The following MAP2K6 variants were observed in gnomAD, a reference collection of about 807,000 sequenced individuals.
The protein encoded by MAP2K6 is dual specificity mitogen-activated protein kinase kinase 6.
MAP2K6 carries 16 observed loss-of-function variants against 53.7 expected under a neutral mutation model. The ratio of observed to expected loss-of-function variants is 0.30; its 90% CI spans 0.20 to 0.45. The LOEUF is 0.45. Ranked by LOEUF, MAP2K6 falls within the 20% of genes least tolerant of loss-of-function variation. The pLI, the probability that MAP2K6 is intolerant of heterozygous loss-of-function variation, is 1.00. For missense variants in MAP2K6, 204 were observed against 411.9 expected (o/e 0.50, Z 4.37); for synonymous variants, 132 against 143.1 (o/e 0.92, Z 0.55).
At chr17:69,478,433 ACTTT>A (rs1265112237) in intron 1 of MAP2K6, among the ~76,000 whole-genome samples, 2 of 151,886 alleles carry the variant, frequency 1.3e-5, no homozygotes, top group Non-Finnish European at 2.9e-5. Flanking sequence ...TTCATGTTTT[ACTTT>A]CTTTCTTTTT....
At chr17:69,456,899 T>G (rs1907428271) in intron 1 of MAP2K6, among the ~76,000 whole-genome samples, 1 of 152,224 alleles carries the variant, frequency 6.6e-6, no homozygotes, top group Admixed American at 6.5e-5. Context: ...AAGTTGTCCC[T>G]GCTGCTTCCT....
At position 69,500,310 on chromosome 17, in the gene MAP2K6, C is replaced by T. The variant is rs550246284; in HGVS notation, c.17-5470C>T. On this transcript the variant is annotated intron_variant, in intron 1 of 11. Coordinates refer to ENST00000590474, the MANE Select transcript of MAP2K6 (RefSeq NM_002758.4). ...CAAAAATTAGGCGGGTGGGGTGGCA[C>T]GTGCCTGTATTCCCAGTCGCAGCTA... Among the ~76,000 whole-genome samples, 218 of 151,670 alleles carry T rather than the reference C, an allele frequency of 1.4e-3. 1 individual carries two copies. The highest frequency in any genetic ancestry group is 5.0e-3 in the African/African-American group (208 of 41,346).
intron 1 of MAP2K6, chr17:69,435,078 G>A (rs964616396): frequency 6.6e-6 from 1 of 152,056 alleles, no homozygotes; most frequent in Non-Finnish European, 1.5e-5. Context: ...TTTGTTTTTG[G>A]TTGAAGCTTG....
chr17:69,484,730 T>C (rs986006035), intron 1 of MAP2K6, among the ~76,000 whole-genome samples: 3 of 152,146 alleles, frequency 2.0e-5, no homozygotes, highest in African/African-American at 7.2e-5. Flanking sequence ...TACAATGGAA[T>C]ATTTTCAGCA....
intron 10 of MAP2K6, among the ~76,000 whole-genome samples, chr17:69,527,869 A>G (rs544501359): frequency 3.3e-5 from 5 of 152,294 alleles, no homozygotes; most frequent in African/African-American, 9.6e-5. Flanking sequence ...TAATCCCAGT[A>G]CTTTGGGAGG....
At position 69,482,610 on chromosome 17, in the gene MAP2K6, T is replaced by TA. The variant is rs987990533; in HGVS notation, c.17-23162dup. Among the ~76,000 whole-genome samples, 13 of 151,654 alleles carry TA rather than the reference T, an allele frequency of 8.6e-5. 1 individual carries two copies. The highest frequency in any genetic ancestry group is 6.2e-4 in the South Asian group (3 of 4,822). ...TTGGAGATCGTACCACATCAATACA[T>TA]AAAAAAAACTTCTACATTCTTGTTT... On this transcript the variant is annotated intron_variant, in intron 1 of 11. Transcript: ENST00000590474.
In MAP2K6 at chr17:69,534,882, C is replaced by T. The variant is rs561473290; in HGVS notation, c.882-1233C>T. On this transcript the variant is annotated intron_variant, in intron 10 of 11. Transcript: ENST00000590474. ...GCACAGGAGTCTGTAGGTTGCCTTG[C>T]AAATCATAGTTTTCAAAATCATCTT... Among the ~76,000 whole-genome samples the T allele has an allele frequency of 1.8e-4, 28 of 152,198 alleles. No individual in the cohort carries two copies. The South Asian group carries it at 2.3e-3, about 12-fold the overall frequency.
chr17:69,428,324 T>G (rs1413248528), intron 1 of MAP2K6, among the ~76,000 whole-genome samples: 1 of 152,234 alleles, frequency 6.6e-6, no homozygotes, highest in Admixed American at 6.5e-5. Flanking sequence ...CTTCCCTGGC[T>G]TCTGGTGTTT....
At chr17:69,418,180 A>G (rs563944946) in intron 1 of MAP2K6, among the ~76,000 whole-genome samples, 7 of 152,342 alleles carry the variant, frequency 4.6e-5, no homozygotes, top group African/African-American at 1.7e-4. Flanking sequence ...ATCTCAGGAC[A>G]CAAAATCAGA....
intron 10 of MAP2K6, among the ~76,000 whole-genome samples, chr17:69,535,733 T>A (rs891919842): frequency 1.3e-5 from 2 of 152,168 alleles, no homozygotes; most frequent in Non-Finnish European, 2.9e-5. Context: ...AGATAACAAA[T>A]GGCAATGTAA....
At chr17:69,438,889 C>T (rs1300615498) in intron 1 of MAP2K6, among the ~76,000 whole-genome samples, 1 of 152,144 alleles carries the variant, frequency 6.6e-6, no homozygotes, top group African/African-American at 2.4e-5. Context: ...CCAGCTGGTA[C>T]ATTTTAAAAT....
chr17:69,471,905 G>A (rs144455314), intron 1 of MAP2K6, among the ~76,000 whole-genome samples: 8 of 152,120 alleles, frequency 5.3e-5, no homozygotes, highest in South Asian at 4.2e-4. Context: ...GAATGATTTC[G>A]TATGATTTAA....
intron 1 of MAP2K6, among the ~76,000 whole-genome samples, chr17:69,499,010 C>G (rs574029928): frequency 1.2e-4 from 18 of 152,184 alleles, no homozygotes; most frequent in Admixed American, 1.2e-3. Context: ...TGACTGAGCC[C>G]TGCTTCTGAT....
chr17:69,490,811 T>C (rs1208087695), intron 1 of MAP2K6, among the ~76,000 whole-genome samples: 5 of 152,138 alleles, frequency 3.3e-5, no homozygotes, highest in Non-Finnish European at 5.9e-5. Flanking sequence ...GATTATTTCA[T>C]TACCCAAGTA....
At chr17:69,500,563 T>A (rs904885456) in intron 1 of MAP2K6, among the ~76,000 whole-genome samples, 1 of 150,732 alleles carries the variant, frequency 6.6e-6, no homozygotes, top group East Asian at 1.9e-4. Context: ...AAGACCAGCC[T>A]GACCAACATG....
At chr17:69,518,227 T>C (rs1179026643) in intron 4 of MAP2K6, among the ~76,000 whole-genome samples, 1 of 151,014 alleles carries the variant, frequency 6.6e-6, no homozygotes, top group Non-Finnish European at 1.5e-5. Context: ...TAATGATACT[T>C]CCTTCATCTA....
chr17:69,499,168 T>C (rs1302995588), intron 1 of MAP2K6, among the ~76,000 whole-genome samples: 2 of 152,156 alleles, frequency 1.3e-5, no homozygotes, highest in African/African-American at 4.8e-5. Flanking sequence ...AGATTCAAGA[T>C]TGATGAGATG....
chr17:69,453,798 G>A (rs752979886), intron 1 of MAP2K6, among the ~76,000 whole-genome samples: 3 of 151,948 alleles, frequency 2.0e-5, no homozygotes, highest in East Asian at 1.9e-4. Context: ...CAATTACCTG[G>A]GAAACTTTTA....
chr17:69,512,527 C>T (rs992950295), intron 2 of MAP2K6, among the ~76,000 whole-genome samples: 3 of 151,392 alleles, frequency 2.0e-5, no homozygotes, highest in Non-Finnish European at 2.9e-5. Context: ...TTAGTAGAGA[C>T]GGGGTTTCAC....
Sources: gnomAD v4.1 joint callset for allele counts (sites outside exome capture counted in the v4.1 genomes callset) on GRCh38, gnomAD v4.1.1 for gene constraint, MANE v1.5 for transcripts, NCBI Gene and HGNC (gene_info 2026-07-23, HGNC 2026-07-21) for gene names.